TTK: variants seen among roughly 807,000 people sequenced by gnomAD.
TTK encodes dual specificity protein kinase TTK.
Under a neutral mutation model 117.3 loss-of-function variants are expected in TTK, and 59 were observed. That is an observed-to-expected ratio of 0.50 (90% confidence interval 0.41 to 0.62). The LOEUF (loss-of-function observed/expected upper bound fraction) is 0.62, where lower values mean the gene tolerates loss of function less well. Ranked by LOEUF, TTK falls within the 20% of genes least tolerant of loss-of-function variation. The pLI is 0.00. For synonymous variants in TTK, 302 were observed against 325.0 expected (o/e 0.93, Z 0.76); for missense variants, 921 against 989.4 (o/e 0.93, Z 0.93).
Position 80,011,794 on chromosome 6 carries a change from C to G in TTK, c.794C>G (p.Thr265Ser). ...AATTCATTGAGACAAACTAACAAAA[C>G]TAAACAGGTAAGTTACTTTCAATCT... ...YRNSLRQTNK[T>S]KQSCPFGRVP... Residue 265 changes from threonine to serine, a missense_variant, in exon 7 of 22, where the codon ACT (threonine) becomes AGT (serine). By Grantham distance (58) the Thr-to-Ser change is moderately conservative. Transcript: ENST00000369798. 6.2e-7 allele frequency: 1 copy of G among 1,612,716 alleles called. No homozygotes were observed. Among genetic ancestry groups the G allele is most frequent in the Non-Finnish European group, 8.5e-7 (1 of 1,179,128 alleles).
At chr6:80,038,077 A>T in intron 18 of TTK, 30 bp downstream of exon 18, 1 of 1,492,886 alleles carries the variant, frequency 6.7e-7, no homozygotes, top group South Asian at 1.2e-5. Flanking sequence ...CATCACAATT[A>T]TCTGGCAACA....
At chr6:80,015,199 TA>T (rs1368350532) in intron 10 of TTK, among the ~76,000 whole-genome samples, 2 of 152,112 alleles carry the variant, frequency 1.3e-5, no homozygotes, top group Non-Finnish European at 2.9e-5. Flanking sequence ...TGGGAAATAA[TA>T]GAGTATTTCA....
chr6:80,014,623 T>A, intron 10 of TTK, 37 bp downstream of exon 10: 1 of 1,546,876 alleles, frequency 6.5e-7, no homozygotes, highest in South Asian at 1.3e-5. Flanking sequence ...GTATGTTTAG[T>A]TAAGAAAACC....
At chr6:80,032,349 C>G (rs1035610839) in intron 14 of TTK, among the ~76,000 whole-genome samples, 2 of 152,048 alleles carry the variant, frequency 1.3e-5, no homozygotes, top group Non-Finnish European at 2.9e-5. Context: ...TGTTACTGAT[C>G]TCAGTGAAGC....
At chr6:80,017,653 G>T (rs572924379) in intron 10 of TTK, among the ~76,000 whole-genome samples, 7 of 152,196 alleles carry the variant, frequency 4.6e-5, no homozygotes, top group East Asian at 1.9e-4. Context: ...GAAAATTCAC[G>T]ACTATTTTGG....
At chr6:80,030,158 AGTTAAATTGAGGTTTATTCAGACC>A (rs1767717635) in intron 13 of TTK, among the ~76,000 whole-genome samples, 1 of 152,228 alleles carries the variant, frequency 6.6e-6, no homozygotes, top group Non-Finnish European at 1.5e-5. Flanking sequence ...AGCAGGCCTT[AGTTAAATTGAGGTTTATTCAGACC>A]TTGTTTAACT....
chr6:80,039,700 G>T lies in TTK; in HGVS notation c.2135G>T (p.Ser712Ile). The T allele has an allele frequency of 6.6e-7, 1 of 1,508,022 alleles. No homozygotes were observed. Among genetic ancestry groups the T allele is most frequent in the Non-Finnish European group, 8.8e-7 (1 of 1,133,632 alleles). The allele number at this position is 1,508,022 out of a possible 1,614,324, so 93.4% of individuals were successfully genotyped here. A position where few individuals can be genotyped will look rare whatever the true frequency, so the allele number is the denominator to read the frequency against. Residue 712 changes from serine (S) to isoleucine (I), a missense_variant, in exon 19 of 22, where the codon AGC becomes ATC. Ser to Ile is a moderately radical substitution (Grantham distance 142). Coordinates refer to ENST00000369798, the MANE Select transcript of TTK (RefSeq NM_003318.5). ...RENGKSKSKISPKSDVWSLGC... is the reference protein window; with the variant it reads ...RENGKSKSKIIPKSDVWSLGC... ...GTTTGTTTGTTTTTTTCTTAGATAAGCCCCAAAAGTGATGTTTGGTCCTTA... is the reference window on the plus strand; with the variant it reads ...GTTTGTTTGTTTTTTTCTTAGATAATCCCCAAAAGTGATGTTTGGTCCTTA...
chr6:80,015,823 C>T (rs1656597119), intron 10 of TTK, among the ~76,000 whole-genome samples: 1 of 152,098 alleles, frequency 6.6e-6, no homozygotes, highest in African/African-American at 2.4e-5. Flanking sequence ...GCCCAAATCA[C>T]AAGAGTGCTG....
At chr6:80,013,001 C>T (rs561617061) in intron 8 of TTK, among the ~76,000 whole-genome samples, 1 of 152,164 alleles carries the variant, frequency 6.6e-6, no homozygotes, top group African/African-American at 2.4e-5. Flanking sequence ...GTATACTTTG[C>T]CTTTCCCACA....
At chr6:80,014,745 C>T (rs239567) in intron 10 of TTK, among the ~76,000 whole-genome samples, 159 bp downstream of exon 10, 93,960 of 151,994 alleles carry the variant, frequency 0.62, 29,485 homozygotes, top group Admixed American at 0.73. Flanking sequence ...ATGAAAAGTA[C>T]TGAATCCGCA....
At chr6:80,033,818 A>G (rs567370540) in intron 14 of TTK, among the ~76,000 whole-genome samples, 2 of 152,236 alleles carry the variant, frequency 1.3e-5, no homozygotes, top group Non-Finnish European at 2.9e-5. Context: ...CCTTTTATCA[A>G]TCTATTTGAA....
At chr6:80,033,782 A>G (rs1207639755) in intron 14 of TTK, among the ~76,000 whole-genome samples, 1 of 150,918 alleles carries the variant, frequency 6.6e-6, no homozygotes, top group Non-Finnish European at 1.5e-5. Flanking sequence ...CAACTCTTCA[A>G]TAAATATTGG....
intron 11 of TTK, among the ~76,000 whole-genome samples, chr6:80,026,122 T>G (rs1333625880): frequency 6.6e-6 from 1 of 152,162 alleles, no homozygotes; most frequent in African/African-American, 2.4e-5. Flanking sequence ...AAATTCTGTT[T>G]TAAGTAATTT....
intron 16 of TTK, among the ~76,000 whole-genome samples, 182 bp from the exon 17 acceptor site, chr6:80,036,293 A>G (rs1767904274): frequency 6.6e-6 from 1 of 152,128 alleles, no homozygotes; most frequent in Non-Finnish European, 1.5e-5. Flanking sequence ...TAAACAATGA[A>G]CTTAGAACAG....
chr6:80,018,783 A>G (rs1466167464), intron 10 of TTK, among the ~76,000 whole-genome samples: 1 of 152,180 alleles, frequency 6.6e-6, no homozygotes, highest in African/African-American at 2.4e-5. Context: ...TTTAAGGGAA[A>G]GCTGTCAATA....
At position 80,031,532 on chromosome 6, in the gene TTK, G is replaced by A; in HGVS notation, c.1587G>A (p.Lys529=). The change falls in exon 14 of 22, where the codon AAG becomes AAA. Residue 529 remains lysine (K), a synonymous_variant. Transcript: ENST00000369798. ...AAGGAAGAATTTATTCCATATTAAA[G>A]CAGATAGGAAGTGGAGGTTCAAGCA... ...SVKGRIYSIL[K]QIGSGGSSKV... is the part of the protein sequence containing the mutation. 6.5e-7 allele frequency: 1 copy of A among 1,535,678 alleles called. No homozygotes were observed. The highest frequency in any genetic ancestry group is 8.7e-7 in the Non-Finnish European group (1 of 1,148,418).
chr6:80,023,233 A>G (rs1204774045), intron 11 of TTK, among the ~76,000 whole-genome samples: 2 of 152,196 alleles, frequency 1.3e-5, no homozygotes, highest in Non-Finnish European at 2.9e-5. Context: ...TGTTGATTAT[A>G]TCTATCTCTA....
In TTK at chr6:80,035,114, A is replaced by G. The variant is rs61738280; in HGVS notation, c.1744A>G (p.Ser582Gly). The G allele has an allele frequency of 6.3e-7, 1 of 1,577,550 alleles. No individual in the cohort carries two copies. The highest frequency in any genetic ancestry group is 8.6e-7 in the Non-Finnish European group (1 of 1,168,082). Reference sequence around the variant, plus strand: ...TTATTTGAATAAACTACAACAACACAGTGATAAGATCATCCGACTTTATGA... The same window carrying G: ...TTATTTGAATAAACTACAACAACACGGTGATAAGATCATCCGACTTTATGA... ...IAYLNKLQQH[S>G]DKIIRLYDYE... The change falls in exon 15 of 22, where the codon AGT (serine) becomes GGT (glycine). Residue 582 changes from serine to glycine, a missense_variant. Coordinates refer to ENST00000369798, the MANE Select transcript of TTK (RefSeq NM_003318.5).
rs763254614 is a variant in TTK at position 80,042,179 on chromosome 6, GA to G, written c.2560del (p.Arg854GlyfsTer39). 85 of 1,559,184 alleles carry G rather than the reference GA, an allele frequency of 5.5e-5. No homozygotes were observed. Among genetic ancestry groups the G allele is most frequent in the South Asian group, 2.1e-4 (18 of 85,436 alleles). On this transcript the variant is annotated frameshift_variant, in exon 22 of 22. Transcript: ENST00000369798. LOFTEE classifies it high-confidence loss of function. ...TAATTCTTCATCCTCCAAGACTTTT[GA>G]AAAAAAAAGGGGAAAAAAATGATTT... ...SHNSSSSKTF[E>X]KKRGKK
Sources: gnomAD v4.1 joint callset for allele counts (sites outside exome capture counted in the v4.1 genomes callset) on GRCh38, gnomAD v4.1.1 for gene constraint, MANE v1.5 for transcripts, NCBI Gene and HGNC (gene_info 2026-07-23, HGNC 2026-07-21) for gene names.